DIAPH3: variants seen among roughly 807,000 people sequenced by gnomAD.
DIAPH3 encodes diaphanous related formin 3, also known as protein diaphanous homolog 3.
A neutral mutation model predicts 144.3 loss-of-function variants in DIAPH3; 117 were observed. The observed-to-expected ratio is 0.81, with a 90% CI of 0.70 to 0.95. The LOEUF (loss-of-function observed/expected upper bound fraction) is 0.95. Among genes scored for constraint, DIAPH3 ranks in the 40% least tolerant of loss-of-function variants. The pLI, the probability that DIAPH3 is intolerant of heterozygous loss-of-function variation, is 0.00. For missense variants in DIAPH3, 1,421 were observed against 1,412.7 expected, an observed-to-expected ratio of 1.01 and a Z score of -0.09; for synonymous variants, 519 against 488.9, an observed-to-expected ratio of 1.06 and a Z score of -0.81.
chr13:59,757,596 T>G (rs1380558280), intron 27 of DIAPH3, among the ~76,000 whole-genome samples: 1 of 151,890 alleles, frequency 6.6e-6, no homozygotes, highest in African/African-American at 2.4e-5. Flanking sequence ...GAGATGGGGT[T>G]TCACCGTGTT....
At chr13:59,912,433 T>C (rs2047039580) in intron 19 of DIAPH3, among the ~76,000 whole-genome samples, 1 of 152,248 alleles carries the variant, frequency 6.6e-6, no homozygotes, top group East Asian at 1.9e-4. Context: ...CACATGATGA[T>C]TGATATACCT....
intron 24 of DIAPH3, among the ~76,000 whole-genome samples, chr13:59,824,303 A>G (rs2041248384): frequency 1.3e-5 from 2 of 152,186 alleles, no homozygotes; most frequent in African/African-American, 4.8e-5. Flanking sequence ...AAAAAGTAAC[A>G]TCCCTAAGAG....
chr13:59,675,448 G>A (rs1257998162), intron 27 of DIAPH3, among the ~76,000 whole-genome samples: 2 of 150,346 alleles, frequency 1.3e-5, no homozygotes, highest in Non-Finnish European at 3.0e-5. Flanking sequence ...GCAGTGGCAC[G>A]ATCTCGGCTC....
At chr13:59,669,390 T>C (rs1034930050) in intron 27 of DIAPH3, among the ~76,000 whole-genome samples, 2 of 152,142 alleles carry the variant, frequency 1.3e-5, no homozygotes, top group African/African-American at 4.8e-5. Context: ...AAACTTCCAA[T>C]ATGTCCTCCC....
intron 22 of DIAPH3, among the ~76,000 whole-genome samples, chr13:59,850,257 G>A (rs1340979568): frequency 2.0e-4 from 30 of 151,040 alleles, no homozygotes; most frequent in African/African-American, 4.6e-4. Context: ...CAATCATGTC[G>A]TCTGCAAACA....
Position 59,879,298 on chromosome 13 carries a change from C to G in DIAPH3, c.2538G>C (p.Met846Ile), listed in dbSNP as rs769218373. The stretch of plus-strand genomic sequence containing the variant: ...GGGAGCCAGCATTCATGTAGTTTCC[C>G]ATTAGCAATACAAGTTCCAGCAACT... Reference protein sequence around the residue: ...FSKLLELVLLMGNYMNAGSRN... With the variant: ...FSKLLELVLLIGNYMNAGSRN... Residue 846 changes from methionine to isoleucine, a missense_variant, in exon 21 of 28, where the codon ATG (methionine) becomes ATC (isoleucine). Met to Ile is a conservative substitution (Grantham distance 10). Coordinates refer to ENST00000400324, the MANE Select transcript of DIAPH3 (RefSeq NM_001042517.2). 6.2e-7 allele frequency: 1 copy of G among 1,613,850 alleles called. No homozygotes were observed. The highest frequency in any genetic ancestry group is 8.5e-7 in the Non-Finnish European group (1 of 1,179,842).
chr13:60,105,663 T>C (rs2058397095), intron 3 of DIAPH3, among the ~76,000 whole-genome samples: 1 of 152,174 alleles, frequency 6.6e-6, no homozygotes, highest in Non-Finnish European at 1.5e-5. Context: ...GAGTGACAAG[T>C]AATAAATCAG....
rs576093913 is a variant in DIAPH3, at chr13:59,851,491, A to C, written c.2737+9916T>G. On this transcript the variant is annotated intron_variant, in intron 22 of 27. Coordinates refer to ENST00000400324, the MANE Select transcript of DIAPH3 (RefSeq NM_001042517.2). ...AGAGTCAGACATAAGACATACATTG[A>C]CTTCTTTCATTGGCTTGGTTCTATA... Among the ~76,000 whole-genome samples, 29 of 152,238 alleles carry C rather than the reference A, an allele frequency of 1.9e-4. No individual in the cohort carries two copies. The East Asian group carries it at 5.0e-3, about 26-fold the overall frequency.
At chr13:60,124,288 G>A (rs1011030936) in intron 2 of DIAPH3, among the ~76,000 whole-genome samples, 1 of 152,172 alleles carries the variant, frequency 6.6e-6, no homozygotes. Flanking sequence ...GGAACTTTGA[G>A]GAGAACAAGG....
intron 27 of DIAPH3, among the ~76,000 whole-genome samples, chr13:59,686,512 GAA>G (rs147211642): frequency 6.9e-6 from 1 of 144,574 alleles, no homozygotes; most frequent in Non-Finnish European, 1.5e-5. Context: ...GGCTCTTCAG[GAA>G]AAAAAAAAAA....
At chr13:59,857,825 C>T (rs1427634375) in intron 22 of DIAPH3, among the ~76,000 whole-genome samples, 1 of 152,178 alleles carries the variant, frequency 6.6e-6, no homozygotes, top group Admixed American at 6.5e-5. Flanking sequence ...ACAGCTGCCA[C>T]TTCCCATGGA....
chr13:59,918,416 T>G (rs1397974446), intron 18 of DIAPH3, among the ~76,000 whole-genome samples: 1 of 152,082 alleles, frequency 6.6e-6, no homozygotes, highest in East Asian at 1.9e-4. Context: ...GAGAAAAGAC[T>G]CGAGTTCTGG....
chr13:59,683,960 A>G (rs1466728913), intron 27 of DIAPH3, among the ~76,000 whole-genome samples: 1 of 152,144 alleles, frequency 6.6e-6, no homozygotes, highest in African/African-American at 2.4e-5. Flanking sequence ...TGTGTCTGCC[A>G]GCCACGAGGA....
intron 27 of DIAPH3, among the ~76,000 whole-genome samples, chr13:59,691,266 C>G (rs2033503177): frequency 6.6e-6 from 1 of 152,150 alleles, no homozygotes. Context: ...GAAAATTACA[C>G]AGACCCTTGC....
chr13:59,685,713 A>T (rs1256112187), intron 27 of DIAPH3, among the ~76,000 whole-genome samples: 2 of 152,132 alleles, frequency 1.3e-5, no homozygotes, highest in African/African-American at 4.8e-5. Flanking sequence ...AAGAGATGAT[A>T]AATAGAGATG....
At chr13:59,969,092 TA>T (rs1257645558) in intron 17 of DIAPH3, among the ~76,000 whole-genome samples, 2 of 152,200 alleles carry the variant, frequency 1.3e-5, no homozygotes, top group Non-Finnish European at 2.9e-5. Flanking sequence ...ATATAATACT[TA>T]AAAATTCTGT....
chr13:60,122,203 T>C (rs1173485448), intron 2 of DIAPH3, among the ~76,000 whole-genome samples: 1 of 152,194 alleles, frequency 6.6e-6, no homozygotes, highest in Non-Finnish European at 1.5e-5. Context: ...GATCTAGAGA[T>C]AATGAACAAC....
At chr13:59,764,514 C>T (rs909336681) in intron 27 of DIAPH3, among the ~76,000 whole-genome samples, 7 of 150,672 alleles carry the variant, frequency 4.6e-5, no homozygotes, top group African/African-American at 1.7e-4. Context: ...AAGCCCTTAC[C>T]CCTAGTACCT....
intron 22 of DIAPH3, among the ~76,000 whole-genome samples, chr13:59,854,669 C>T (rs575423596): frequency 1.3e-5 from 2 of 152,146 alleles, no homozygotes; most frequent in African/African-American, 4.8e-5. Context: ...TATTGCTTTA[C>T]AGCCACAAGT....
Sources: gnomAD v4.1 joint callset for allele counts (sites outside exome capture counted in the v4.1 genomes callset) on GRCh38, gnomAD v4.1.1 for gene constraint, MANE v1.5 for transcripts, NCBI Gene and HGNC (gene_info 2026-07-23, HGNC 2026-07-21) for gene names.